The following FBLN5 variants were observed in gnomAD, a reference collection of about 807,000 sequenced individuals.
The protein encoded by FBLN5 is fibulin-5.
In FBLN5, 24 loss-of-function variants were observed where a neutral mutation model predicts 61.6. The ratio of observed to expected loss-of-function variants is 0.39; its 90% confidence interval spans 0.28 to 0.55. FBLN5 has a LOEUF of 0.55. FBLN5 is among the 20% of genes least tolerant of loss of function. The pLI is 0.65. For missense variants in FBLN5, 470 were observed against 594.1 expected (o/e 0.79, Z 2.17); for synonymous variants, 213 against 219.8 (o/e 0.97, Z 0.27).
In FBLN5 at chr14:91,870,064, T is replaced by C; in HGVS notation, c.*160A>G. On this transcript the variant is annotated 3_prime_UTR_variant, in exon 11 of 11. Coordinates refer to ENST00000342058, the MANE Select transcript of FBLN5 (RefSeq NM_006329.4). Reference sequence around the variant, plus strand: ...GTCCTGCAGGGTGACAGGTCTGCAATAGTACAGGTGAGAGTCAGGAAGTCG... The same window carrying C: ...GTCCTGCAGGGTGACAGGTCTGCAACAGTACAGGTGAGAGTCAGGAAGTCG... 3 of 734,010 alleles carry C rather than the reference T, an allele frequency of 4.1e-6. No homozygotes were observed. The highest frequency in any genetic ancestry group is 1.5e-5 in the South Asian group (1 of 65,666). The allele number at this position is 734,010 out of a possible 1,614,324, so 45.5% of individuals were successfully genotyped here.
intron 4 of FBLN5, among the ~76,000 whole-genome samples, chr14:91,920,403 C>T (rs968806408): frequency 7.9e-5 from 12 of 152,186 alleles, no homozygotes; most frequent in African/African-American, 2.9e-4. Flanking sequence ...ATTATCTAAA[C>T]GAATCTTAAA....
chr14:91,887,222 T>A lies in FBLN5; in HGVS notation c.710A>T (p.Glu237Val), dbSNP rs1484325022. ...SFICRCDPGYELEEDGVHCSD... is the reference protein window; with the variant it reads ...SFICRCDPGYVLEEDGVHCSD... ...GCAATGAACGCCATCTTCCTCAAGT[T>A]CATATCCTGGGTCACAGCGGCAGAT... The change falls in exon 7 of 11, where the codon GAA becomes GTA. Residue 237 changes from glutamate to valine, a missense_variant. Physicochemically the swap from Glu to Val is moderately radical, Grantham distance 121. Coordinates refer to ENST00000342058, the MANE Select transcript of FBLN5 (RefSeq NM_006329.4). 3 of 1,613,130 alleles carry A rather than the reference T, an allele frequency of 1.9e-6. No homozygotes were observed. The highest frequency in any genetic ancestry group is 2.5e-6 in the Non-Finnish European group (3 of 1,179,892).
At chr14:91,894,402 C>CAAAAAAAAAAA (rs58035118) in intron 5 of FBLN5, among the ~76,000 whole-genome samples, 6 of 34,366 alleles carry the variant, frequency 1.7e-4, no homozygotes, top group Non-Finnish European at 2.9e-4. Context: ...GACACCATAT[C>CAAAAAAAAAAA]AAAAAAAAAA....
At chr14:91,906,178 C>T (rs1595318544) in intron 4 of FBLN5, among the ~76,000 whole-genome samples, 1 of 152,188 alleles carries the variant, frequency 6.6e-6, no homozygotes, top group Non-Finnish European at 1.5e-5. Flanking sequence ...TGACCATGCC[C>T]GACTGAGAAT....
chr14:91,879,957 T>C (rs1016437062), intron 9 of FBLN5, among the ~76,000 whole-genome samples: 1 of 152,076 alleles, frequency 6.6e-6, no homozygotes, highest in African/African-American at 2.4e-5. Context: ...ACTGAGATGG[T>C]TTAAAAAAGG....
chr14:91,891,473 C>T, intron 5 of FBLN5, 136 bp from the exon 6 acceptor site: 3 of 740,346 alleles, frequency 4.1e-6, no homozygotes, highest in South Asian at 2.9e-5. Flanking sequence ...CAAGACAGTG[C>T]CTACTGAGTG....
chr14:91,913,278 CT>C (rs1891036963), intron 4 of FBLN5, among the ~76,000 whole-genome samples: 1 of 152,118 alleles, frequency 6.6e-6, no homozygotes, highest in Non-Finnish European at 1.5e-5. Context: ...AATATCATGC[CT>C]GAATATTTTG....
intron 4 of FBLN5, among the ~76,000 whole-genome samples, chr14:91,916,857 C>T (rs1029958766): frequency 6.6e-6 from 1 of 152,166 alleles, no homozygotes; most frequent in African/African-American, 2.4e-5. Flanking sequence ...TAACAGCACC[C>T]TAATTTTCCT....
At chr14:91,894,450 G>T (rs562132186) in intron 5 of FBLN5, among the ~76,000 whole-genome samples, 27 of 139,794 alleles carry the variant, frequency 1.9e-4, no homozygotes, top group Admixed American at 8.2e-4. Context: ...ATTCAAGGCC[G>T]TGCGTGGTGG....
chr14:91,902,277 G>T (rs1019119918), intron 4 of FBLN5, among the ~76,000 whole-genome samples: 30 of 48,818 alleles, frequency 6.1e-4, no homozygotes, highest in African/African-American at 1.5e-3. Context: ...TTGTTTGTTT[G>T]TTTGTTTTTT....
At chr14:91,896,785 C>T (rs1179039324) in intron 4 of FBLN5, among the ~76,000 whole-genome samples, 2 of 152,138 alleles carry the variant, frequency 1.3e-5, no homozygotes, top group Non-Finnish European at 2.9e-5. Flanking sequence ...GACCCCACTC[C>T]CACGCTGTCT....
At chr14:91,901,937 C>T (rs1183046541) in intron 4 of FBLN5, among the ~76,000 whole-genome samples, 1 of 152,230 alleles carries the variant, frequency 6.6e-6, no homozygotes. Context: ...GATTCTCTTT[C>T]TCTATCCCTA....
intron 4 of FBLN5, among the ~76,000 whole-genome samples, chr14:91,931,088 A>T (rs1232480277): frequency 6.6e-6 from 1 of 152,160 alleles, no homozygotes; most frequent in African/African-American, 2.4e-5. Context: ...AGGCATTGTT[A>T]TATCCATTTT....
intron 4 of FBLN5, among the ~76,000 whole-genome samples, chr14:91,922,637 G>A (rs2055760206): frequency 6.6e-6 from 1 of 152,206 alleles, no homozygotes; most frequent in African/African-American, 2.4e-5. Flanking sequence ...GATCTGTTGA[G>A]GAGGTCTGAG....
intron 4 of FBLN5, among the ~76,000 whole-genome samples, chr14:91,917,575 C>CAAAAAAAA (rs34458933): frequency 1.9e-3 from 119 of 63,392 alleles, no homozygotes; most frequent in Admixed American, 2.5e-3. Flanking sequence ...GACTCCATCT[C>CAAAAAAAA]AAAAAAAAAA....
intron 1 of FBLN5, among the ~76,000 whole-genome samples, chr14:91,945,240 A>G (rs1039842498): frequency 4.6e-5 from 7 of 152,130 alleles, no homozygotes; most frequent in African/African-American, 1.4e-4. Context: ...AAAAAAAAAA[A>G]AAAAAGAAAA....
chr14:91,933,998 G>C (rs1407992461), intron 4 of FBLN5, among the ~76,000 whole-genome samples: 1 of 152,122 alleles, frequency 6.6e-6, no homozygotes, highest in Non-Finnish European at 1.5e-5. Context: ...TGTAGTCCCA[G>C]CTACTTGGGA....
chr14:91,894,208 G>C (rs930522939), intron 5 of FBLN5, among the ~76,000 whole-genome samples: 1 of 151,702 alleles, frequency 6.6e-6, no homozygotes, highest in Non-Finnish European at 1.5e-5. Flanking sequence ...AGACCAGCCT[G>C]GCCAACATGG....
In FBLN5 at chr14:91,924,665, G is replaced by GA. The variant is rs3216510; in HGVS notation, c.379+12281dup. Among the ~76,000 whole-genome samples, 920 of 148,260 alleles carry GA rather than the reference G, an allele frequency of 6.2e-3. 13 individuals are homozygous for GA. The highest frequency in any genetic ancestry group is 0.02 in the African/African-American group (824 of 40,384). On this transcript the variant is annotated intron_variant, in intron 4 of 10. Coordinates refer to ENST00000342058, the MANE Select transcript of FBLN5 (RefSeq NM_006329.4). ...CCACTGCACAAGAGAAAAAGAAAAA[G>GA]AAAAAAAAAATACAATGGCGAATAA...
Sources: allele counts gnomAD v4.1 joint callset (sites outside exome capture counted in the v4.1 genomes callset), GRCh38; gene constraint gnomAD v4.1.1; transcripts MANE v1.5; gene names NCBI Gene and HGNC (gene_info 2026-07-23, HGNC 2026-07-21).